Variants in ARHGAP28 observed in about 807,000 individuals in gnomAD.
ARHGAP28 encodes the protein rho GTPase-activating protein 28.
A neutral mutation model predicts 90.7 loss-of-function variants in ARHGAP28; 56 were observed. The observed-to-expected ratio is 0.62, with a 90% CI of 0.50 to 0.77. ARHGAP28 has a LOEUF of 0.77. Among genes scored for constraint, ARHGAP28 ranks in the 30% least tolerant of loss-of-function variants. ARHGAP28 has a pLI of 0.00. For missense variants in ARHGAP28, 869 were observed against 900.9 expected (o/e 0.96, Z 0.45); for synonymous variants, 308 against 323.3 (o/e 0.95, Z 0.51).
intron 4 of ARHGAP28, among the ~76,000 whole-genome samples, chr18:6,851,687 G>C (rs1185037931): frequency 6.6e-6 from 1 of 152,130 alleles, no homozygotes; most frequent in African/African-American, 2.4e-5. Context: ...AAAAATTGTG[G>C]TATATCCACA....
At position 6,832,389 on chromosome 18, in the gene ARHGAP28, G is replaced by A. The variant is rs114467140; in HGVS notation, c.326-4808G>A. On this transcript the variant is annotated intron_variant, in intron 2 of 17. Transcript: ENST00000383472. ...GAATGTGTTTTACTTGTTGGTTAGT[G>A]TGGTGTTCTGTAAATGCTCATTAGA... Among the ~76,000 whole-genome samples the A allele has an allele frequency of 1.0e-3, 152 of 152,120 alleles. 2 individuals are homozygous for A. The highest frequency in any genetic ancestry group is 3.6e-3 in the African/African-American group (150 of 41,558).
chr18:6,736,775 G>A (rs2055932664), intron 1 of ARHGAP28, among the ~76,000 whole-genome samples: 1 of 138,118 alleles, frequency 7.2e-6, no homozygotes, highest in African/African-American at 3.3e-5. Context: ...ACAGAAAGTT[G>A]CTAAATTAAA....
At chr18:6,765,231 T>G (rs1377136665) in intron 1 of ARHGAP28, among the ~76,000 whole-genome samples, 2 of 152,208 alleles carry the variant, frequency 1.3e-5, no homozygotes, top group Non-Finnish European at 2.9e-5. Context: ...GGTTTCTTCC[T>G]TAATGTTTGA....
Position 6,842,720 on chromosome 18 carries a change from C to T in ARHGAP28, c.543+5306C>T, listed in dbSNP as rs138007720. 2.3e-4 allele frequency among the ~76,000 whole-genome samples: 35 copies of T among 152,104 alleles called. No individual in the cohort carries two copies. The East Asian group carries it at 6.8e-3, about 30-fold the overall frequency. On this transcript the variant is annotated intron_variant, in intron 3 of 17. Transcript: ENST00000383472. ...GGGAGTTGTATGGTCCTCTTTTCTC[C>T]CAGAACTCTCCTGTGAATAGGAGTC...
At position 6,887,140 on chromosome 18, in the gene ARHGAP28, TTC is replaced by T; in HGVS notation, c.1454-15_1454-14del. The T allele has an allele frequency of 6.2e-7, 1 of 1,609,222 alleles. No individual in the cohort carries two copies. Among genetic ancestry groups the T allele is most frequent in the African/African-American group, 1.3e-5 (1 of 74,960 alleles). The stretch of plus-strand genomic sequence containing the variant: ...AGGGCTATTTAAAATGTATGACTAT[TTC>T]TGTTTTCTTGTTAGGAGGGCCTCAC... On this transcript the variant is annotated splice_polypyrimidine_tract_variant and intron_variant, in intron 11 of 17. Coordinates refer to ENST00000383472, the MANE Select transcript of ARHGAP28 (RefSeq NM_001366230.1).
intron 7 of ARHGAP28, among the ~76,000 whole-genome samples, chr18:6,872,779 G>A (rs766138228): frequency 3.3e-5 from 5 of 151,994 alleles, no homozygotes; most frequent in African/African-American, 7.3e-5. Flanking sequence ...TGTCAGTATC[G>A]TTGTCTTCAA....
intron 1 of ARHGAP28, among the ~76,000 whole-genome samples, chr18:6,818,975 G>A (rs2056609313): frequency 6.6e-6 from 1 of 152,226 alleles, no homozygotes; most frequent in African/African-American, 2.4e-5. Context: ...TCTCTCCATT[G>A]CTGTGCAATG....
intron 17 of ARHGAP28, among the ~76,000 whole-genome samples, chr18:6,910,709 GC>G (rs2057391641): frequency 6.6e-6 from 1 of 152,092 alleles, no homozygotes; most frequent in African/African-American, 2.4e-5. Context: ...GTTGCCTTGT[GC>G]TGCTCTTAGA....
intron 4 of ARHGAP28, among the ~76,000 whole-genome samples, chr18:6,853,414 G>A (rs4798498): frequency 0.54 from 81,831 of 151,476 alleles, 22,930 homozygotes; most frequent in Non-Finnish European, 0.62. Flanking sequence ...GGTCTCCACA[G>A]CCCCTATCAT....
At chr18:6,759,376 A>G (rs2056140000) in intron 1 of ARHGAP28, among the ~76,000 whole-genome samples, 1 of 152,176 alleles carries the variant, frequency 6.6e-6, no homozygotes, top group Non-Finnish European at 1.5e-5. Context: ...CTGTGTTTAG[A>G]TGTAGTTTTT....
chr18:6,858,583 G>T (rs999600440), intron 4 of ARHGAP28, among the ~76,000 whole-genome samples: 7 of 148,852 alleles, frequency 4.7e-5, no homozygotes, highest in African/African-American at 1.7e-4. Context: ...TGCTCTTGTC[G>T]CCCAGTTTGG....
chr18:6,859,838 C>A lies in ARHGAP28; in HGVS notation c.667C>A (p.Leu223Met), dbSNP rs767097008. The change falls in exon 5 of 18, where the codon CTG (leucine) becomes ATG (methionine). Residue 223 changes from leucine to methionine, a missense_variant. By Grantham distance (15) the Leu-to-Met change is conservative. Transcript: ENST00000383472. The part of the protein sequence containing the change: ...PDDASLNSTT[L>M]SDASQDKEGS... Reference sequence around the variant, plus strand: ...TGATGCTTCTCTCAACAGTACTACCCTGTCTGACGCATCCCAGGATAAAGA... The same window carrying A: ...TGATGCTTCTCTCAACAGTACTACCATGTCTGACGCATCCCAGGATAAAGA... The A allele has an allele frequency of 6.2e-7, 1 of 1,614,188 alleles. No individual in the cohort carries two copies. Among genetic ancestry groups the A allele is most frequent in the South Asian group, 1.1e-5 (1 of 91,080 alleles).
rs530808217 is a variant in ARHGAP28, at chr18:6,826,829, C to T, written c.325+1865C>T. On this transcript the variant is annotated intron_variant, in intron 2 of 17. Coordinates refer to ENST00000383472, the MANE Select transcript of ARHGAP28 (RefSeq NM_001366230.1). ...CTCTGGTTTTCCTAGGCAGAGGACC[C>T]TGCGGCCTTCCGCAGTGTTTGTGTC... Among the ~76,000 whole-genome samples, 155 of 152,078 alleles carry T rather than the reference C, an allele frequency of 1.0e-3. 1 individual carries two copies. Among genetic ancestry groups the T allele is most frequent in the Admixed American group, 2.7e-3 (42 of 15,274 alleles).
chr18:6,751,587 A>G (rs1226006514), intron 1 of ARHGAP28, among the ~76,000 whole-genome samples: 1 of 152,172 alleles, frequency 6.6e-6, no homozygotes, highest in East Asian at 1.9e-4. Context: ...ATATTATTGG[A>G]GCTGGAGTAT....
chr18:6,831,547 G>T, intron 2 of ARHGAP28, among the ~76,000 whole-genome samples: 1 of 131,100 alleles, frequency 7.6e-6, no homozygotes, highest in Non-Finnish European at 1.6e-5. Context: ...GTGCAGGTTA[G>T]TTACATATGT....
intron 1 of ARHGAP28, among the ~76,000 whole-genome samples, chr18:6,780,910 A>T (rs1254667688): frequency 2.6e-5 from 4 of 151,950 alleles, no homozygotes; most frequent in Non-Finnish European, 5.9e-5. Context: ...AAAAAAAAAA[A>T]ATTCAATCAG....
At chr18:6,808,930 G>A (rs552387600) in intron 1 of ARHGAP28, among the ~76,000 whole-genome samples, 1 of 152,282 alleles carries the variant, frequency 6.6e-6, no homozygotes, top group South Asian at 2.1e-4. Flanking sequence ...AGAGTCAAGG[G>A]GACCCCCATG....
At chr18:6,817,733 C>T (rs2056601065) in intron 1 of ARHGAP28, among the ~76,000 whole-genome samples, 1 of 152,072 alleles carries the variant, frequency 6.6e-6, no homozygotes, top group African/African-American at 2.4e-5. Flanking sequence ...GTCCACATTC[C>T]AAGGAGGGAG....
At chr18:6,877,209 G>A (rs1292448896) in intron 10 of ARHGAP28, among the ~76,000 whole-genome samples, 1 of 152,228 alleles carries the variant, frequency 6.6e-6, no homozygotes, top group Non-Finnish European at 1.5e-5. Context: ...GTTTTTCTAA[G>A]TGGAAACTGA....
Sources: allele counts gnomAD v4.1 joint callset (sites outside exome capture counted in the v4.1 genomes callset), GRCh38; gene constraint gnomAD v4.1.1; transcripts MANE v1.5; gene names NCBI Gene and HGNC (gene_info 2026-07-23, HGNC 2026-07-21).